Variants in NRK observed in about 807,000 individuals in gnomAD.
NRK encodes nik-related protein kinase.
NRK carries 67 observed loss-of-function variants against 125.2 expected under a neutral mutation model. The observed-to-expected ratio is 0.54, with a 90% CI of 0.44 to 0.66. NRK has a LOEUF of 0.66. NRK is among the 30% of genes least tolerant of loss of function. The pLI is 0.00. For synonymous variants in NRK, 458 were observed against 429.0 expected, an observed-to-expected ratio of 1.07 and a Z score of -0.84; for missense variants, 1,224 against 1,192.9, an observed-to-expected ratio of 1.03 and a Z score of -0.38.
At chrX:105,891,806 ACT>A (rs963336354) in intron 5 of NRK, among the ~76,000 whole-genome samples, 1 of 111,694 alleles carries the variant, frequency 9.0e-6, no homozygotes, top group Non-Finnish European at 1.9e-5. Context: ...CTTCAGCTTA[ACT>A]CTGTTTTCTC....
chrX:105,952,160 T>G (rs940781300), intron 27 of NRK, among the ~76,000 whole-genome samples: 1 of 112,465 alleles, frequency 8.9e-6, no homozygotes, highest in Non-Finnish European at 1.9e-5. Flanking sequence ...ATCATGTTAA[T>G]ATGAGAATGA....
intron 28 of NRK, among the ~76,000 whole-genome samples, chrX:105,953,761 G>A (rs2040934809): frequency 9.0e-6 from 1 of 111,539 alleles, no homozygotes; most frequent in African/African-American, 3.3e-5. Flanking sequence ...AATTCAAATA[G>A]TTTAGATGGA....
intron 9 of NRK, among the ~76,000 whole-genome samples, chrX:105,902,583 G>T (rs1040442129): frequency 8.9e-6 from 1 of 111,894 alleles, no homozygotes; most frequent in East Asian, 2.8e-4. Context: ...TAAAGAGAGA[G>T]AAAGAATAAC....
At position 105,943,998 on chromosome X, in the gene NRK, A is replaced by T. The variant is rs757816488; in HGVS notation, c.4016A>T (p.Tyr1339Phe). Residue 1339 changes from tyrosine to phenylalanine, a missense_variant, in exon 24 of 29, where the codon TAT becomes TTT. By Grantham distance (22) the Tyr-to-Phe change is conservative. Coordinates refer to ENST00000243300, the MANE Select transcript of NRK (RefSeq NM_198465.4). ...GCTTTGAAATCATCAATTCACCTTT[A>T]TGCATGGGCACCAAAGTCCTTTGAT... is the stretch of plus-strand genomic sequence containing the variant. ...AIALKSSIHL[Y>F]AWAPKSFDES... 1 of 1,174,507 alleles carries T rather than the reference A, an allele frequency of 8.5e-7. No individual in the cohort carries two copies. Among genetic ancestry groups the T allele is most frequent in the African/African-American group, 1.8e-5 (1 of 57,130 alleles).
intron 26 of NRK, among the ~76,000 whole-genome samples, chrX:105,949,218 A>T (rs879098332): frequency 8.9e-6 from 1 of 112,135 alleles, no homozygotes; most frequent in Admixed American, 9.5e-5. Context: ...TAAAGTATTT[A>T]TTAATGTGTT....
chrX:105,859,704 C>G (rs2039577542), intron 2 of NRK, among the ~76,000 whole-genome samples: 1 of 111,618 alleles, frequency 9.0e-6, no homozygotes, highest in Admixed American at 9.5e-5. Flanking sequence ...ACAGCTATCC[C>G]CAGTGAGAGA....
intron 2 of NRK, among the ~76,000 whole-genome samples, chrX:105,835,345 A>G (rs1174390096): frequency 1.8e-5 from 2 of 110,892 alleles, no homozygotes; most frequent in Non-Finnish European, 3.8e-5. Flanking sequence ...TCAACTTTCC[A>G]TATTCCTTGT....
chrX:105,877,685 G>A (rs998349308), intron 2 of NRK, among the ~76,000 whole-genome samples: 1 of 110,821 alleles, frequency 9.0e-6, no homozygotes, highest in Admixed American at 9.6e-5. Flanking sequence ...GAATGATTTG[G>A]CATATTAACT....
intron 23 of NRK, among the ~76,000 whole-genome samples, chrX:105,943,687 T>G (rs994289904): frequency 8.9e-6 from 1 of 112,216 alleles, no homozygotes; most frequent in Non-Finnish European, 1.9e-5. Context: ...TATTTGGGTC[T>G]TCTTTAATTT....
chrX:105,885,596 G>A (rs2039933612), intron 4 of NRK, among the ~76,000 whole-genome samples: 1 of 111,957 alleles, frequency 8.9e-6, no homozygotes, highest in South Asian at 3.7e-4. Context: ...TGAGAAATAA[G>A]AGTTACAGAA....
rs185633156 is a variant in NRK at position 105,876,763 on chromosome X, T to G, written c.124-3436T>G. Among the ~76,000 whole-genome samples, 43 of 111,980 alleles carry G rather than the reference T, an allele frequency of 3.8e-4. 1 individual carries two copies. Among genetic ancestry groups the G allele is most frequent in the African/African-American group, 1.4e-3 (42 of 30,975 alleles). ...ATTCTAACTGAAAAAGGGCACATCC[T>G]AAAAACTGGATTCATAGGTTCTAGT... On this transcript the variant is annotated intron_variant, in intron 2 of 28. Transcript: ENST00000243300.
rs755214756 is a variant in NRK, at chrX:105,822,821, C to A, written c.-25C>A. 4.3e-6 allele frequency: 5 copies of A among 1,164,514 alleles called. No individual in the cohort carries two copies. Among genetic ancestry groups the A allele is most frequent in the Non-Finnish European group, 4.6e-6 (4 of 869,253 alleles). On this transcript the variant is annotated 5_prime_UTR_variant, in exon 1 of 29. Transcript: ENST00000243300. ...TCTGCGCGCACCCAATTCAGTCGCCCGCTCCCGTTCGGCTCCTCGAAGCCA... is the reference window on the plus strand; with the variant it reads ...TCTGCGCGCACCCAATTCAGTCGCCAGCTCCCGTTCGGCTCCTCGAAGCCA...
At chrX:105,937,673 T>C in intron 22 of NRK, 91 bp downstream of exon 22, 1 of 560,712 alleles carries the variant, frequency 1.8e-6, no homozygotes, top group Non-Finnish European at 2.7e-6. Flanking sequence ...AAAGTGTTCC[T>C]AGAAGAGCAC....
intron 2 of NRK, among the ~76,000 whole-genome samples, chrX:105,864,338 A>G (rs2039642970): frequency 2.7e-5 from 3 of 111,522 alleles, no homozygotes; most frequent in Middle Eastern, 9.2e-3. Flanking sequence ...CAACTTGCCA[A>G]TTCTGTAAAT....
intron 5 of NRK, among the ~76,000 whole-genome samples, chrX:105,890,445 T>C (rs1232994285): frequency 8.9e-6 from 1 of 112,244 alleles, no homozygotes; most frequent in African/African-American, 3.2e-5. Context: ...AGTGCCCCAC[T>C]CTACTGACAC....
chrX:105,943,592 G>A (rs984018222), intron 23 of NRK, among the ~76,000 whole-genome samples: 2 of 111,952 alleles, frequency 1.8e-5, no homozygotes, highest in Non-Finnish European at 3.8e-5. Context: ...GGATTGCATT[G>A]AATCTATGGA....
intron 3 of NRK, among the ~76,000 whole-genome samples, chrX:105,880,524 C>T (rs1323445340): frequency 9.0e-6 from 1 of 110,824 alleles, no homozygotes; most frequent in East Asian, 2.8e-4. Context: ...AGGAATATAT[C>T]TGTACTCCTC....
At chrX:105,938,174 A>G (rs1245009426) in intron 22 of NRK, among the ~76,000 whole-genome samples, 2 of 111,902 alleles carry the variant, frequency 1.8e-5, no homozygotes, top group African/African-American at 6.5e-5. Context: ...AACAGCATTT[A>G]GTATCAGGAA....
At chrX:105,838,706 A>G in intron 2 of NRK, among the ~76,000 whole-genome samples, 1 of 110,397 alleles carries the variant, frequency 9.1e-6, no homozygotes, top group Non-Finnish European at 1.9e-5. Flanking sequence ...GGACCACCCC[A>G]AGTTTCTTAT....
Sources: gnomAD v4.1 joint callset for allele counts (sites outside exome capture counted in the v4.1 genomes callset) on GRCh38, gnomAD v4.1.1 for gene constraint, MANE v1.5 for transcripts, NCBI Gene and HGNC (gene_info 2026-07-23, HGNC 2026-07-21) for gene names.